BTC: variants seen among roughly 807,000 people sequenced by gnomAD.
BTC encodes probetacellulin.
A neutral mutation model predicts 18.1 loss-of-function variants in BTC; 13 were observed. The ratio of observed to expected loss-of-function variants is 0.72; its 90% CI spans 0.47 to 1.14. The LOEUF is 1.14. Among genes scored for constraint, BTC ranks in the 50% most tolerant of loss-of-function variants. The pLI is 0.00. For missense variants in BTC, 247 were observed against 224.2 expected (o/e 1.10, Z -0.65); for synonymous variants, 83 against 79.4 (o/e 1.05, Z -0.24).
At chr4:74,758,120 G>A (rs1160763303) in intron 2 of BTC, among the ~76,000 whole-genome samples, 2 of 152,200 alleles carry the variant, frequency 1.3e-5, no homozygotes, top group East Asian at 3.8e-4. Flanking sequence ...AATGTCAAGA[G>A]CAAAGGCACA....
chr4:74,748,793 GAC>G (rs1724367139), intron 4 of BTC, among the ~76,000 whole-genome samples: 1 of 152,156 alleles, frequency 6.6e-6, no homozygotes, highest in Non-Finnish European at 1.5e-5. Flanking sequence ...AAACAAGAGT[GAC>G]ACAGCGTTTG....
intron 1 of BTC, among the ~76,000 whole-genome samples, chr4:74,791,782 T>A (rs1202639600): frequency 6.6e-6 from 1 of 152,172 alleles, no homozygotes; most frequent in African/African-American, 2.4e-5. Flanking sequence ...TGTTATTTTG[T>A]TTACTTTTTG....
In BTC at chr4:74,770,911, GTGTA is replaced by G. The variant is rs1179492659; in HGVS notation, c.65-759_65-756del. Among the ~76,000 whole-genome samples the G allele has an allele frequency of 2.6e-3, 354 of 135,282 alleles. 1 individual carries two copies. Among genetic ancestry groups the G allele is most frequent in the African/African-American group, 0.011 (314 of 27,684 alleles). The allele number at this position is 135,282 out of a possible 152,430, so 88.8% of individuals were successfully genotyped here. A position where few individuals can be genotyped will look rare whatever the true frequency, so the allele number is the denominator to read the frequency against. ...TAGGTTACAAAACAGGGTCTATATC[GTGTA>G]TGTGTGTGTGTGTGTGTGTGTGTGT... On this transcript the variant is annotated intron_variant, in intron 1 of 5. Transcript: ENST00000395743.
At chr4:74,768,115 A>T (rs1227524572) in intron 2 of BTC, among the ~76,000 whole-genome samples, 1 of 152,164 alleles carries the variant, frequency 6.6e-6, no homozygotes, top group Non-Finnish European at 1.5e-5. Context: ...AAGTTATAAC[A>T]GTGAAGAGAA....
chr4:74,761,973 T>C (rs1428490581), intron 2 of BTC, among the ~76,000 whole-genome samples: 1 of 152,186 alleles, frequency 6.6e-6, no homozygotes, highest in Non-Finnish European at 1.5e-5. Flanking sequence ...CTTTCTGACT[T>C]CATATTTGAC....
chr4:74,778,213 C>A (rs1725228001), intron 1 of BTC, among the ~76,000 whole-genome samples: 1 of 152,142 alleles, frequency 6.6e-6, no homozygotes, highest in Non-Finnish European at 1.5e-5. Flanking sequence ...TCTGCTTTAA[C>A]ATGGCCCCAA....
intron 2 of BTC, among the ~76,000 whole-genome samples, chr4:74,767,009 G>A (rs921062094): frequency 1.3e-5 from 2 of 151,958 alleles, no homozygotes; most frequent in Non-Finnish European, 2.9e-5. Flanking sequence ...CCAAGATCAG[G>A]AGCAAGACAA....
chr4:74,784,955 G>A (rs573669929), intron 1 of BTC, among the ~76,000 whole-genome samples: 2 of 152,276 alleles, frequency 1.3e-5, no homozygotes, highest in Admixed American at 6.5e-5. Context: ...GAGTTAGGAA[G>A]TAATCCCTCC....
chr4:74,749,745 C>CAAAAAAAAAAA (rs71220725), intron 4 of BTC, among the ~76,000 whole-genome samples: 43 of 54,900 alleles, frequency 7.8e-4, no homozygotes, highest in African/African-American at 3.2e-3. Flanking sequence ...TCCTGCTCTG[C>CAAAAAAAAAAA]AAAAAAAAAA....
intron 2 of BTC, among the ~76,000 whole-genome samples, chr4:74,767,816 T>A (rs142848186): frequency 6.6e-6 from 1 of 152,210 alleles, no homozygotes; most frequent in East Asian, 1.9e-4. Context: ...TAAATGATGT[T>A]TGAAAACTAG....
rs139988508 is a variant in BTC at position 74,754,068 on chromosome 4, G to C, written c.281+1791C>G. On this transcript the variant is annotated intron_variant, in intron 3 of 5. Coordinates refer to ENST00000395743, the MANE Select transcript of BTC (RefSeq NM_001729.4). ...AGGTAACTGACCCATTGTTAACACT[G>C]CTTATAACTGGCAAAAGCAAAATCT... Among the ~76,000 whole-genome samples, 259 of 152,312 alleles carry C rather than the reference G, an allele frequency of 1.7e-3. 2 individuals are homozygous for C. Among genetic ancestry groups the C allele is most frequent in the African/African-American group, 5.7e-3 (236 of 41,564 alleles).
intron 1 of BTC, among the ~76,000 whole-genome samples, chr4:74,788,627 T>G (rs562660702): frequency 4.9e-4 from 75 of 152,330 alleles, no homozygotes; most frequent in Non-Finnish European, 8.4e-4. Flanking sequence ...AAATTTAACA[T>G]GGTAAAAATT....
intron 4 of BTC, among the ~76,000 whole-genome samples, chr4:74,748,537 A>C (rs1279183960): frequency 4.0e-5 from 6 of 149,678 alleles, no homozygotes; most frequent in Non-Finnish European, 5.9e-5. Context: ...CTCCGTCACA[A>C]AAAAAAAAAA....
At chr4:74,757,429 G>A (rs73825036) in intron 2 of BTC, among the ~76,000 whole-genome samples, 4,524 of 152,206 alleles carry the variant, frequency 0.03, 207 homozygotes, top group African/African-American at 0.1. Flanking sequence ...CTACATGCCA[G>A]ATATTTGCTT....
intron 3 of BTC, among the ~76,000 whole-genome samples, chr4:74,752,403 G>C (rs1553956271): frequency 1.4e-5 from 2 of 138,770 alleles, no homozygotes; most frequent in Non-Finnish European, 3.1e-5. Flanking sequence ...TTTTTGAGAC[G>C]GTGTCTCGCT....
chr4:74,756,107 C>T, intron 2 of BTC, 131 bp from the exon 3 acceptor site: 1 of 863,354 alleles, frequency 1.2e-6, no homozygotes, highest in Non-Finnish European at 1.9e-6. Context: ...TTTCTCTCTG[C>T]ACTGGGATAA....
intron 2 of BTC, among the ~76,000 whole-genome samples, chr4:74,757,061 C>A (rs1158660565): frequency 6.6e-6 from 1 of 152,154 alleles, no homozygotes; most frequent in African/African-American, 2.4e-5. Flanking sequence ...ATGGTATAAC[C>A]AACAGCTTGC....
rs1446477569 is a variant in BTC, at chr4:74,792,929, T to A, written c.64+1333A>T. On this transcript the variant is annotated intron_variant, in intron 1 of 5. Coordinates refer to ENST00000395743, the MANE Select transcript of BTC (RefSeq NM_001729.4). ...AGTGCAAGTTCTAGGGCAGGAATCATGTTTTATTTTAGGAATCTCATGAGC... is the reference window on the plus strand; with the variant it reads ...AGTGCAAGTTCTAGGGCAGGAATCAAGTTTTATTTTAGGAATCTCATGAGC... Among the ~76,000 whole-genome samples the A allele has an allele frequency of 2.6e-5, 4 of 152,332 alleles. No individual in the cohort carries two copies. The South Asian group carries it at 8.3e-4, about 32-fold the overall frequency.
intron 1 of BTC, among the ~76,000 whole-genome samples, chr4:74,782,338 A>G (rs2109914325): frequency 6.6e-6 from 1 of 152,298 alleles, no homozygotes; most frequent in Admixed American, 6.5e-5. Flanking sequence ...TCCCGCTTAT[A>G]AGTGAGAACA....
Sources: gnomAD v4.1 joint callset for allele counts (sites outside exome capture counted in the v4.1 genomes callset) on GRCh38, gnomAD v4.1.1 for gene constraint, MANE v1.5 for transcripts, NCBI Gene and HGNC (gene_info 2026-07-23, HGNC 2026-07-21) for gene names.